ZCCHC2: variants seen among roughly 807,000 people sequenced by gnomAD.
ZCCHC2 encodes the protein zinc finger CCHC-type containing 2.
Under a neutral mutation model 103.6 loss-of-function variants are expected in ZCCHC2, and 39 were observed. The ratio of observed to expected loss-of-function variants is 0.38; its 90% CI spans 0.29 to 0.49. ZCCHC2 has a LOEUF of 0.49. ZCCHC2 is among the 20% of genes least tolerant of loss of function. The pLI is 0.96. For missense variants in ZCCHC2, 1,483 were observed against 1,491.0 expected, an observed-to-expected ratio of 0.99 and a Z score of 0.09; for synonymous variants, 687 against 608.9, an observed-to-expected ratio of 1.13 and a Z score of -1.89.
intron 2 of ZCCHC2, among the ~76,000 whole-genome samples, chr18:62,540,839 A>G (rs1427991855): frequency 3.3e-5 from 5 of 152,160 alleles, no homozygotes; most frequent in Admixed American, 2.0e-4. Context: ...TACTTTCACT[A>G]TGGCCATTCC....
Position 62,539,717 on chromosome 18 carries a change from G to A in ZCCHC2, c.976G>A (p.Glu326Lys), listed in dbSNP as rs371137258. The A allele has an allele frequency of 1.7e-5, 27 of 1,603,252 alleles. No homozygotes were observed. The highest frequency in any genetic ancestry group is 1.5e-4 in the African/African-American group (11 of 74,792). ...TCATGGTGATTACATGCAAAATAAC[G>A]AGAGCAGCTTAATAGAGCAAGCTCC... Reference protein sequence around the residue: ...SAHGDYMQNNESSLIEQAPIP... With the variant: ...SAHGDYMQNNKSSLIEQAPIP... The change falls in exon 2 of 14, where the codon GAG (glutamate) becomes AAG (lysine). Residue 326 changes from glutamate to lysine, a missense_variant. Coordinates refer to ENST00000269499, the MANE Select transcript of ZCCHC2 (RefSeq NM_017742.6).
rs1405031602 is a variant in ZCCHC2 at position 62,574,375 on chromosome 18, C to A, written c.2294C>A (p.Ala765Glu). Residue 765 changes from alanine (A) to glutamate (E), a missense_variant, in exon 13 of 14, where the codon GCA (alanine) becomes GAA (glutamate). Coordinates refer to ENST00000269499, the MANE Select transcript of ZCCHC2 (RefSeq NM_017742.6). ...PVAISAIRES[A>E]NSTPVGILGP... Reference sequence around the variant, plus strand: ...GCTATTTCTGCAATAAGGGAGTCTGCAAATTCAACCCCTGTTGGAATACTA... The same window carrying A: ...GCTATTTCTGCAATAAGGGAGTCTGAAAATTCAACCCCTGTTGGAATACTA... The A allele has an allele frequency of 1.9e-6, 3 of 1,614,010 alleles. No individual in the cohort carries two copies. Among genetic ancestry groups the A allele is most frequent in the Non-Finnish European group, 2.5e-6 (3 of 1,179,894 alleles).
chr18:62,523,905 C>G lies in ZCCHC2; in HGVS notation c.481C>G (p.Leu161Val). Residue 161 changes from leucine to valine, a missense_variant, in exon 1 of 14, where the codon CTG becomes GTG. Transcript: ENST00000269499. ...CAACGGCCTCTCGGACCCGGGGCCG[C>G]TGGCCGACTTCCGAGAGCCCGCGGT... ...KANGLSDPGP[L>V]ADFREPAVRS... 1 of 1,537,898 alleles carries G rather than the reference C, an allele frequency of 6.5e-7. No homozygotes were observed. Among genetic ancestry groups the G allele is most frequent in the Non-Finnish European group, 8.7e-7 (1 of 1,144,620 alleles).
intron 13 of ZCCHC2, among the ~76,000 whole-genome samples, chr18:62,576,094 G>T (rs1916831740): frequency 6.6e-6 from 1 of 150,954 alleles, no homozygotes; most frequent in Admixed American, 6.6e-5. Flanking sequence ...GTACTATTTT[G>T]ATTTGAGAGT....
At chr18:62,544,920 G>A (rs1284885311) in intron 4 of ZCCHC2, 47 bp downstream of exon 4, 6 of 1,426,094 alleles carry the variant, frequency 4.2e-6, no homozygotes, top group Admixed American at 2.9e-5. Flanking sequence ...ATAATATACA[G>A]AATCCAGAAA....
intron 1 of ZCCHC2, among the ~76,000 whole-genome samples, chr18:62,526,559 G>C (rs1288462223): frequency 6.6e-6 from 1 of 152,190 alleles, no homozygotes; most frequent in Non-Finnish European, 1.5e-5. Flanking sequence ...GCTGATGTGG[G>C]TGGGCTGAGT....
downstream of ZCCHC2, chr18:62,581,938 A>G (rs925331633): frequency 4.4e-5 from 7 of 159,100 alleles, no homozygotes; most frequent in Non-Finnish European, 9.7e-5. Context: ...GCATCTAGAA[A>G]GAGCCCCAGA....
Position 62,523,792 on chromosome 18 carries a change from A to G in ZCCHC2, c.368A>G (p.Asn123Ser), listed in dbSNP as rs1459898391. 1 of 1,541,040 alleles carries G rather than the reference A, an allele frequency of 6.5e-7. No individual in the cohort carries two copies. Among genetic ancestry groups the G allele is most frequent in the East Asian group, 2.5e-5 (1 of 40,562 alleles). ...ATGTGCGGGCTGCTGGACCTGTGCAACCCGCTGGAGCTGCGCTTCCTTGGC... is the reference window on the plus strand; with the variant it reads ...ATGTGCGGGCTGCTGGACCTGTGCAGCCCGCTGGAGCTGCGCTTCCTTGGC... ...EFMCGLLDLCNPLELRFLGSC... is the reference protein window; with the variant it reads ...EFMCGLLDLCSPLELRFLGSC... The change falls in exon 1 of 14, where the codon AAC becomes AGC. Residue 123 changes from asparagine to serine, a missense_variant. Physicochemically the swap from Asn to Ser is conservative, Grantham distance 46. Coordinates refer to ENST00000269499, the MANE Select transcript of ZCCHC2 (RefSeq NM_017742.6).
At chr18:62,528,599 G>GAAAAAA (rs11409827) in intron 1 of ZCCHC2, among the ~76,000 whole-genome samples, 1 of 144,838 alleles carries the variant, frequency 6.9e-6, no homozygotes. Context: ...ACTGTCTCGG[G>GAAAAAA]AAAAAAAAAA....
intron 7 of ZCCHC2, among the ~76,000 whole-genome samples, chr18:62,559,600 C>G (rs1048459704): frequency 5.3e-5 from 8 of 152,220 alleles, no homozygotes; most frequent in African/African-American, 1.9e-4. Flanking sequence ...TAATTATATG[C>G]TGCTGTCCAG....
rs1430043185 is a variant in ZCCHC2, at chr18:62,576,672, A to G, written c.*93A>G. 19 of 1,227,910 alleles carry G rather than the reference A, an allele frequency of 1.5e-5. No individual in the cohort carries two copies. The highest frequency in any genetic ancestry group is 2.7e-5 in the South Asian group (2 of 74,058). 76.1% of individuals were successfully genotyped at this position (1,227,910 alleles called of 1,614,324 possible). A position where few individuals can be genotyped will look rare whatever the true frequency, so the allele number is the denominator to read the frequency against. ...GGAAAGGTATTTTGTTTCTTTGTCT[A>G]TACATTTCCTAGATTTCTATGCAGT... On this transcript the variant is annotated 3_prime_UTR_variant, in exon 14 of 14. Coordinates refer to ENST00000269499, the MANE Select transcript of ZCCHC2 (RefSeq NM_017742.6).
chr18:62,558,866 A>G, intron 7 of ZCCHC2, 96 bp downstream of exon 7: 1 of 733,694 alleles, frequency 1.4e-6, no homozygotes, highest in Non-Finnish European at 2.1e-6. Flanking sequence ...AGGAATTGGA[A>G]TGTGACAGAG....
At chr18:62,584,114 C>T (rs2121912869) in intron 14 of ZCCHC2, among the ~76,000 whole-genome samples, 1 of 152,292 alleles carries the variant, frequency 6.6e-6, no homozygotes, top group East Asian at 1.9e-4. Flanking sequence ...AAACGCTGTC[C>T]TCTGTTGAAA....
At position 62,558,674 on chromosome 18, in the gene ZCCHC2, A is replaced by G. The variant is rs758043947; in HGVS notation, c.1409-13A>G. 2.1e-6 allele frequency: 3 copies of G among 1,456,686 alleles called. No individual in the cohort carries two copies. The highest frequency in any genetic ancestry group is 1.5e-5 in the African/African-American group (1 of 68,950). 90.2% of individuals were successfully genotyped at this position (1,456,686 alleles called of 1,614,324 possible). A position where few individuals can be genotyped will look rare whatever the true frequency, so the allele number is the denominator to read the frequency against. ...TTTCCTAAAAAGTTAATAGTATTGA[A>G]TGCTTCCTGCAGATAACTTACAATC... On this transcript the variant is annotated splice_polypyrimidine_tract_variant and intron_variant, in intron 6 of 13. Transcript: ENST00000269499.
chr18:62,533,872 C>CCA (rs1914802758), intron 1 of ZCCHC2, among the ~76,000 whole-genome samples: 1 of 99,564 alleles, frequency 1.0e-5, no homozygotes, highest in African/African-American at 3.7e-5. Context: ...AACTCTGCCT[C>CCA]AAAAAAAAAA....
intron 11 of ZCCHC2, among the ~76,000 whole-genome samples, chr18:62,567,498 C>A (rs1004368015): frequency 2.0e-5 from 3 of 152,156 alleles, no homozygotes; most frequent in African/African-American, 7.2e-5. Flanking sequence ...AAACAAAGAT[C>A]GCTCCCAGCC....
intron 7 of ZCCHC2, among the ~76,000 whole-genome samples, chr18:62,559,231 T>C (rs569461202): frequency 3.3e-5 from 5 of 152,304 alleles, no homozygotes; most frequent in South Asian, 2.1e-4. Flanking sequence ...AGACCATCCA[T>C]AGATTGAGAG....
At chr18:62,583,260 A>G (rs1316402743), downstream of ZCCHC2, among the ~76,000 whole-genome samples, 3 of 152,220 alleles carry the variant, frequency 2.0e-5, no homozygotes, top group Non-Finnish European at 4.4e-5. Flanking sequence ...TATAGAAGCT[A>G]TTCCTTACCC....
chr18:62,569,279 A>G (rs573133657), intron 11 of ZCCHC2, among the ~76,000 whole-genome samples: 1 of 152,292 alleles, frequency 6.6e-6, no homozygotes, highest in East Asian at 1.9e-4. Context: ...TTTCTCTGAC[A>G]CATATTTTGC....
Sources: allele counts gnomAD v4.1 joint callset (sites outside exome capture counted in the v4.1 genomes callset), GRCh38; gene constraint gnomAD v4.1.1; transcripts MANE v1.5; gene names NCBI Gene and HGNC (gene_info 2026-07-23, HGNC 2026-07-21).